IMMP2L: variants seen among roughly 807,000 people sequenced by gnomAD.
IMMP2L encodes the protein mitochondrial inner membrane protease subunit 2.
IMMP2L carries 18 observed loss-of-function variants against 19.3 expected under a neutral mutation model. The ratio of observed to expected loss-of-function variants is 0.93; its 90% confidence interval spans 0.64 to 1.38. IMMP2L has a LOEUF of 1.38. Ranked by LOEUF, IMMP2L falls within the 40% of genes most tolerant of loss-of-function variation. The probability of loss-of-function intolerance (pLI) is 0.00; values close to 1 mark genes in which losing one functional copy is unlikely to be tolerated. For missense variants in IMMP2L, 233 were observed against 218.2 expected, an observed-to-expected ratio of 1.07 and a Z score of -0.43; for synonymous variants, 76 against 73.0, an observed-to-expected ratio of 1.04 and a Z score of -0.21.
chr7:110,844,340 T>C (rs1376982784), intron 5 of IMMP2L, among the ~76,000 whole-genome samples: 1 of 151,994 alleles, frequency 6.6e-6, no homozygotes, highest in African/African-American at 2.4e-5. Flanking sequence ...GAAGGAAACT[T>C]CATAAAAGAG....
intron 5 of IMMP2L, among the ~76,000 whole-genome samples, chr7:110,782,872 A>G (rs1799829389): frequency 6.6e-6 from 1 of 151,936 alleles, no homozygotes; most frequent in African/African-American, 2.4e-5. Flanking sequence ...TTCAAAGGAC[A>G]GGGATGTAGA....
In IMMP2L at chr7:110,750,774, C is replaced by T. The variant is rs184023102; in HGVS notation, c.409-87053G>A. ...GCCACATTAATGATAGGGAACAAGG[C>T]CGGACGAGGGTGAAACTAGTGAGGT... On this transcript the variant is annotated intron_variant, in intron 5 of 5. Coordinates refer to ENST00000405709, the MANE Select transcript of IMMP2L (RefSeq NM_032549.4). 2.5e-3 allele frequency among the ~76,000 whole-genome samples: 375 copies of T among 152,030 alleles called. 2 individuals are homozygous for T. Among genetic ancestry groups the T allele is most frequent in the African/African-American group, 8.4e-3 (348 of 41,506 alleles).
intron 3 of IMMP2L, among the ~76,000 whole-genome samples, chr7:111,036,418 T>C (rs1791362202): frequency 6.6e-6 from 1 of 152,214 alleles, no homozygotes; most frequent in African/African-American, 2.4e-5. Context: ...AAGGTCCCTT[T>C]GAGTCCTAAT....
At chr7:111,388,465 T>C (rs536620918) in intron 3 of IMMP2L, among the ~76,000 whole-genome samples, 2 of 152,036 alleles carry the variant, frequency 1.3e-5, no homozygotes, top group East Asian at 3.9e-4. Flanking sequence ...GATCAATAGA[T>C]AGATAGATGG....
chr7:110,765,627 G>A (rs1798610389), intron 5 of IMMP2L, among the ~76,000 whole-genome samples: 2 of 152,072 alleles, frequency 1.3e-5, no homozygotes, highest in Admixed American at 1.3e-4. Flanking sequence ...ATAACTACTG[G>A]AAATCATTCA....
intron 2 of IMMP2L, among the ~76,000 whole-genome samples, chr7:111,492,891 T>A (rs1228914312): frequency 6.6e-6 from 1 of 152,148 alleles, no homozygotes; most frequent in Non-Finnish European, 1.5e-5. Flanking sequence ...TCATGTGCGC[T>A]CCCATAGCAA....
intron 5 of IMMP2L, among the ~76,000 whole-genome samples, chr7:110,817,125 G>A (rs183291390): frequency 9.1e-4 from 139 of 152,186 alleles, no homozygotes; most frequent in African/African-American, 3.0e-3. Flanking sequence ...AATTAGGCAG[G>A]AGAAGGAAAT....
intron 5 of IMMP2L, among the ~76,000 whole-genome samples, chr7:110,882,471 C>T (rs1202150347): frequency 6.6e-6 from 1 of 152,022 alleles, no homozygotes; most frequent in Non-Finnish European, 1.5e-5. Context: ...ACCTCCACCT[C>T]CCAGGTTCAA....
At chr7:111,216,267 G>A (rs192799775) in intron 3 of IMMP2L, among the ~76,000 whole-genome samples, 90 of 152,212 alleles carry the variant, frequency 5.9e-4, no homozygotes, top group African/African-American at 2.0e-3. Flanking sequence ...TCCCTGTCAA[G>A]CTGGATAGCA....
chr7:111,350,031 G>C (rs1420749836), intron 3 of IMMP2L, among the ~76,000 whole-genome samples: 2 of 150,634 alleles, frequency 1.3e-5, no homozygotes, highest in South Asian at 2.1e-4. Flanking sequence ...GCAGTGGTGC[G>C]ATCTCAGCTC....
chr7:111,376,659 A>T (rs140940087), intron 3 of IMMP2L, among the ~76,000 whole-genome samples: 1 of 152,140 alleles, frequency 6.6e-6, no homozygotes, highest in African/African-American at 2.4e-5. Flanking sequence ...ATGTTCATCA[A>T]CTGATGACTG....
At chr7:111,031,765 T>A (rs2129569001) in intron 3 of IMMP2L, among the ~76,000 whole-genome samples, 1 of 152,114 alleles carries the variant, frequency 6.6e-6, no homozygotes, top group African/African-American at 2.4e-5. Context: ...AGAAAAATAA[T>A]AACTTTACAG....
chr7:111,411,786 G>A, intron 3 of IMMP2L: 1 of 200,638 alleles, frequency 5.0e-6, no homozygotes. Context: ...AACGTGCAGG[G>A]GAATTATGAG....
At chr7:111,168,147 T>C (rs1806036971) in intron 3 of IMMP2L, among the ~76,000 whole-genome samples, 1 of 152,118 alleles carries the variant, frequency 6.6e-6, no homozygotes, top group East Asian at 1.9e-4. Flanking sequence ...CTGCTGGATA[T>C]GTTGTCTGTA....
chr7:111,185,187 A>G (rs917441968), intron 3 of IMMP2L, among the ~76,000 whole-genome samples: 1 of 152,172 alleles, frequency 6.6e-6, no homozygotes, highest in African/African-American at 2.4e-5. Context: ...ACCTGTCCCA[A>G]GAAGTTTTGT....
chr7:110,808,321 C>G (rs1479603096), intron 5 of IMMP2L, among the ~76,000 whole-genome samples: 5 of 152,040 alleles, frequency 3.3e-5, no homozygotes, highest in Non-Finnish European at 7.4e-5. Flanking sequence ...GAGCAGCCAC[C>G]ATGCGCTAAC....
intron 3 of IMMP2L, among the ~76,000 whole-genome samples, chr7:111,181,487 T>G (rs565075552): frequency 6.6e-6 from 1 of 152,132 alleles, no homozygotes; most frequent in African/African-American, 2.4e-5. Flanking sequence ...AACAAATGGG[T>G]AAATCCTGTA....
chr7:111,019,018 T>C (rs1160622146), intron 3 of IMMP2L, among the ~76,000 whole-genome samples: 1 of 151,764 alleles, frequency 6.6e-6, no homozygotes, highest in African/African-American at 2.4e-5. Flanking sequence ...AACTTCTAAA[T>C]AGAGGATACA....
chr7:111,499,878 C>T (rs903132231), intron 2 of IMMP2L, among the ~76,000 whole-genome samples: 5 of 152,074 alleles, frequency 3.3e-5, no homozygotes, highest in Admixed American at 1.3e-4. Context: ...CCAGAATGAG[C>T]GACGCAGAAG....
Sources: gnomAD v4.1 joint callset for allele counts (sites outside exome capture counted in the v4.1 genomes callset) on GRCh38, gnomAD v4.1.1 for gene constraint, MANE v1.5 for transcripts, NCBI Gene and HGNC (gene_info 2026-07-23, HGNC 2026-07-21) for gene names.